The following EXOC6 variants were observed in gnomAD, a reference collection of about 807,000 sequenced individuals.
The protein encoded by EXOC6 is exocyst complex component 6, also known as SEC15-like 1.
EXOC6 carries 60 observed loss-of-function variants against 112.5 expected under a neutral mutation model. That is an observed-to-expected ratio of 0.53 (90% CI 0.43 to 0.66). EXOC6 has a LOEUF of 0.66. EXOC6 is among the 30% of genes least tolerant of loss of function. EXOC6 has a pLI of 0.00. For missense variants in EXOC6, 855 were observed against 957.1 expected, an observed-to-expected ratio of 0.89 and a Z score of 1.41; for synonymous variants, 295 against 308.0, an observed-to-expected ratio of 0.96 and a Z score of 0.44.
At chr10:93,053,419 C>T (rs111302009) in intron 20 of EXOC6, among the ~76,000 whole-genome samples, 2,291 of 152,258 alleles carry the variant, frequency 0.015, 53 homozygotes, top group African/African-American at 0.052. Context: ...AATTGTTATG[C>T]GTGAAGGAGA....
At chr10:92,881,261 T>C (rs1589755193) in intron 1 of EXOC6, among the ~76,000 whole-genome samples, 1 of 152,220 alleles carries the variant, frequency 6.6e-6, no homozygotes, top group East Asian at 1.9e-4. Context: ...CAGGTAGATA[T>C]TGCATGGCCT....
chr10:92,964,860 C>A (rs1384618804), intron 17 of EXOC6, among the ~76,000 whole-genome samples: 2 of 152,130 alleles, frequency 1.3e-5, no homozygotes, highest in Non-Finnish European at 2.9e-5. Flanking sequence ...CTTATAGTGG[C>A]CCAGCAGTTC....
rs575512941 is a variant in EXOC6 at position 93,048,049 on chromosome 10, G to A, written c.2170-8875G>A. Among the ~76,000 whole-genome samples, 4 of 152,264 alleles carry A rather than the reference G, an allele frequency of 2.6e-5. No homozygotes were observed. The East Asian group carries it at 7.7e-4, about 29-fold the overall frequency. On this transcript the variant is annotated intron_variant, in intron 20 of 21. Transcript: ENST00000260762. ...ATTAGGTAAAGTACTGCTAGTTCAT[G>A]TATGACCTACATGAAGCTGAACTCT...
At chr10:92,838,532 T>C (rs1226753324) in intron 1 of EXOC6, among the ~76,000 whole-genome samples, 1 of 152,180 alleles carries the variant, frequency 6.6e-6, no homozygotes, top group Non-Finnish European at 1.5e-5. Flanking sequence ...GGAAAGATAG[T>C]TTCAGGAGAG....
At chr10:92,983,152 G>A (rs544767990) in intron 18 of EXOC6, among the ~76,000 whole-genome samples, 1 of 152,220 alleles carries the variant, frequency 6.6e-6, no homozygotes, top group South Asian at 2.1e-4. Flanking sequence ...TTAACCTCTG[G>A]ATTAATTTGC....
intron 5 of EXOC6, chr10:92,901,525 A>G (rs1850168208): frequency 6.6e-6 from 1 of 151,626 alleles, no homozygotes; most frequent in Non-Finnish European, 1.5e-5. Context: ...TTCAAATTTA[A>G]CAAGAGAAAC....
chr10:93,050,759 C>CAAAAAAAAAAAAAAAAAA lies in EXOC6; in HGVS notation c.2170-6160_2170-6143dup, dbSNP rs58439083. On this transcript the variant is annotated intron_variant, in intron 20 of 21. Transcript: ENST00000260762. ...TGGGCAACAAAGCGAGACTCCGTCT[C>CAAAAAAAAAAAAAAAAAA]AAAAAAAAAAAAAAAAAAAAAAGAA... is the stretch of plus-strand genomic sequence containing the variant. Among the ~76,000 whole-genome samples the CAAAAAAAAAAAAAAAAAA allele has an allele frequency of 3.5e-3, 131 of 37,304 alleles. 36 individuals are homozygous for CAAAAAAAAAAAAAAAAAA. The highest frequency in any genetic ancestry group is 0.01 in the East Asian group (12 of 1,168). The allele number at this position is 37,304 out of a possible 152,430, so 24.5% of individuals were successfully genotyped here. A position where few individuals can be genotyped will look rare whatever the true frequency, so the allele number is the denominator to read the frequency against.
chr10:92,858,445 T>G (rs1847731991), intron 1 of EXOC6, among the ~76,000 whole-genome samples: 1 of 152,184 alleles, frequency 6.6e-6, no homozygotes, highest in East Asian at 1.9e-4. Context: ...TCTCTCTTAC[T>G]GTTTTTTCTC....
At chr10:92,872,040 T>C (rs181604333) in intron 1 of EXOC6, among the ~76,000 whole-genome samples, 152 of 152,200 alleles carry the variant, frequency 1.0e-3, no homozygotes, top group African/African-American at 3.6e-3. Context: ...AACTCATTCC[T>C]TTCTGCTTTT....
intron 18 of EXOC6, among the ~76,000 whole-genome samples, chr10:92,984,615 A>G (rs1842937230): frequency 6.6e-6 from 1 of 152,112 alleles, no homozygotes; most frequent in South Asian, 2.1e-4. Flanking sequence ...TAACTCTCCC[A>G]CAAAAGGGAA....
intron 1 of EXOC6, among the ~76,000 whole-genome samples, chr10:92,858,275 T>A (rs1237548598): frequency 6.6e-6 from 1 of 152,168 alleles, no homozygotes; most frequent in African/African-American, 2.4e-5. Context: ...TTTCATCAAA[T>A]TTTGGAAATT....
intron 17 of EXOC6, among the ~76,000 whole-genome samples, chr10:92,965,898 C>A (rs1842026063): frequency 6.6e-6 from 1 of 152,110 alleles, no homozygotes; most frequent in South Asian, 2.1e-4. Context: ...TGACTTTAAT[C>A]ATATTCCTGC....
chr10:92,903,198 C>T (rs1294518231), intron 5 of EXOC6, among the ~76,000 whole-genome samples: 4 of 151,914 alleles, frequency 2.6e-5, no homozygotes, highest in Admixed American at 6.6e-5. Context: ...GTACCATTTA[C>T]GCTTCCATTA....
chr10:92,920,822 T>A (rs1323880337), intron 8 of EXOC6, among the ~76,000 whole-genome samples: 1 of 152,224 alleles, frequency 6.6e-6, no homozygotes, highest in South Asian at 2.1e-4. Flanking sequence ...TGGATTGACC[T>A]TTTTTAAAAA....
chr10:92,898,716 C>T (rs56963065), intron 4 of EXOC6, among the ~76,000 whole-genome samples: 2,214 of 152,066 alleles, frequency 0.015, 54 homozygotes, highest in African/African-American at 0.051. Flanking sequence ...TCCTGTGAAG[C>T]GACAGAGTCA....
intron 1 of EXOC6, among the ~76,000 whole-genome samples, chr10:92,855,710 T>C (rs1423985149): frequency 6.6e-6 from 1 of 152,190 alleles, no homozygotes; most frequent in African/African-American, 2.4e-5. Flanking sequence ...TAACTTTTTC[T>C]TATTTTTATT....
At chr10:92,831,686 C>T (rs748416989), upstream of EXOC6, among the ~76,000 whole-genome samples, 36 of 152,240 alleles carry the variant, frequency 2.4e-4, no homozygotes, top group African/African-American at 6.0e-4. Context: ...CCGCCTGCCT[C>T]GGCCTCCCAA....
At chr10:93,034,038 C>T (rs1211697715) in intron 20 of EXOC6, among the ~76,000 whole-genome samples, 1 of 152,226 alleles carries the variant, frequency 6.6e-6, no homozygotes, top group Non-Finnish European at 1.5e-5. Context: ...ACTTTGGAAA[C>T]TGTTTCCTGA....
intron 20 of EXOC6, among the ~76,000 whole-genome samples, chr10:93,040,350 G>A (rs763598270): frequency 2.0e-5 from 3 of 152,138 alleles, no homozygotes; most frequent in Non-Finnish European, 2.9e-5. Flanking sequence ...CCAGGTTCAC[G>A]CCATTCTCCT....
Sources: allele counts gnomAD v4.1 joint callset (sites outside exome capture counted in the v4.1 genomes callset), GRCh38; gene constraint gnomAD v4.1.1; transcripts MANE v1.5; gene names NCBI Gene and HGNC (gene_info 2026-07-23, HGNC 2026-07-21).